CSMD1: variants seen among roughly 807,000 people sequenced by gnomAD.
The protein encoded by CSMD1 is CUB and Sushi multiple domains 1.
CSMD1 carries 213 observed loss-of-function variants against 417.5 expected under a neutral mutation model. The observed-to-expected ratio is 0.51, with a 90% CI of 0.46 to 0.57. CSMD1 has a LOEUF of 0.57. Ranked by LOEUF, CSMD1 falls within the 20% of genes least tolerant of loss-of-function variation. The pLI, the probability that CSMD1 is intolerant of heterozygous loss-of-function variation, is 0.00. For missense variants in CSMD1, 6,923 were observed against 4,529.7 expected, an observed-to-expected ratio of 1.53 and a Z score of -15.17; for synonymous variants, 2,862 against 1,736.8, an observed-to-expected ratio of 1.65 and a Z score of -16.11.
chr8:3,601,764 A>C (rs4279620), intron 8 of CSMD1, among the ~76,000 whole-genome samples: 33,315 of 152,172 alleles, frequency 0.22, 3,842 homozygotes, highest in Admixed American at 0.27. Flanking sequence ...TTTGGGGACC[A>C]TTCTCCCTGC....
At chr8:3,253,139 C>G (rs959328737) in intron 26 of CSMD1, among the ~76,000 whole-genome samples, 2 of 152,054 alleles carry the variant, frequency 1.3e-5, no homozygotes, top group East Asian at 1.9e-4. Flanking sequence ...AATTTTAGAT[C>G]TTTCCTGCTT....
At chr8:4,554,730 A>G (rs1405898624) in intron 2 of CSMD1, among the ~76,000 whole-genome samples, 2 of 152,212 alleles carry the variant, frequency 1.3e-5, no homozygotes, top group African/African-American at 4.8e-5. Flanking sequence ...TTACTATTGT[A>G]GTGATGTATT....
intron 30 of CSMD1, 86 bp downstream of exon 30, chr8:3,214,411 G>T: frequency 8.5e-7 from 1 of 1,173,834 alleles, no homozygotes; most frequent in Non-Finnish European, 1.2e-6. Context: ...AGGAATACGT[G>T]TTGAAATGTG....
intron 1 of CSMD1, among the ~76,000 whole-genome samples, chr8:4,968,531 A>G (rs1406264743): frequency 1.3e-5 from 2 of 152,122 alleles, no homozygotes. Flanking sequence ...CTGCACTACT[A>G]AAAACCAATT....
chr8:4,112,189 T>C (rs879885634), intron 3 of CSMD1, among the ~76,000 whole-genome samples: 12 of 152,128 alleles, frequency 7.9e-5, no homozygotes, highest in Non-Finnish European at 1.6e-4. Context: ...TGCTGAGCCA[T>C]AATTATCAAG....
intron 8 of CSMD1, among the ~76,000 whole-genome samples, chr8:3,603,937 T>A (rs777463101): frequency 6.6e-6 from 1 of 152,248 alleles, no homozygotes; most frequent in Non-Finnish European, 1.5e-5. Flanking sequence ...GCAGCTTTTT[T>A]ATTGGGAATA....
chr8:3,734,384 C>T (rs959462447), intron 6 of CSMD1, among the ~76,000 whole-genome samples: 1 of 152,164 alleles, frequency 6.6e-6, no homozygotes, highest in East Asian at 1.9e-4. Context: ...TTTGCTTCTG[C>T]CTGGAAGCAT....
At chr8:3,846,362 T>C (rs10086452) in intron 5 of CSMD1, among the ~76,000 whole-genome samples, 45,753 of 152,110 alleles carry the variant, frequency 0.3, 7,035 homozygotes, top group Non-Finnish European at 0.33. Context: ...CTGATTAAAA[T>C]GTCTTTATGT....
intron 6 of CSMD1, among the ~76,000 whole-genome samples, chr8:3,713,083 A>T (rs1350797088): frequency 4.6e-5 from 7 of 152,210 alleles, no homozygotes; most frequent in African/African-American, 1.7e-4. Context: ...AATATGACGA[A>T]TCTCTTTTCT....
Position 3,187,065 on chromosome 8 carries a change from C to T in CSMD1, c.5620+804G>A, listed in dbSNP as rs368244252. On this transcript the variant is annotated intron_variant, in intron 36 of 69. Transcript: ENST00000635120. ...TGGCCATACTCAAGATAAAATTAAGCATTCATGTTAACAGAAGTTCATAAC... is the reference window on the plus strand; with the variant it reads ...TGGCCATACTCAAGATAAAATTAAGTATTCATGTTAACAGAAGTTCATAAC... Among the ~76,000 whole-genome samples the T allele has an allele frequency of 4.0e-4, 61 of 152,286 alleles. 2 individuals carry two copies. The East Asian group carries it at 0.011, about 27-fold the overall frequency.
intron 3 of CSMD1, among the ~76,000 whole-genome samples, chr8:4,280,799 T>C (rs1210453129): frequency 6.6e-6 from 1 of 152,220 alleles, no homozygotes; most frequent in Non-Finnish European, 1.5e-5. Context: ...TGAACGTATG[T>C]TAAAATTTTC....
intron 24 of CSMD1, 111 bp downstream of exon 24, chr8:3,308,201 G>C (rs979732827): frequency 3.7e-6 from 3 of 801,738 alleles, no homozygotes; most frequent in Non-Finnish European, 3.9e-6. Context: ...ACTCACACTG[G>C]AAAGTGTGAT....
chr8:3,460,508 G>C (rs1008433733), intron 12 of CSMD1, among the ~76,000 whole-genome samples: 1 of 152,056 alleles, frequency 6.6e-6, no homozygotes, highest in Admixed American at 6.6e-5. Context: ...CTGTGTGTGA[G>C]CAAAATAGAA....
At position 4,580,562 on chromosome 8, in the gene CSMD1, T is replaced by C. The variant is rs1799365638; in HGVS notation, c.302+56780A>G. 1.3e-5 allele frequency among the ~76,000 whole-genome samples: 2 copies of C among 152,188 alleles called. 1 individual carries two copies. Among genetic ancestry groups the C allele is most frequent in the South Asian group, 4.1e-4 (2 of 4,830 alleles). On this transcript the variant is annotated intron_variant, in intron 2 of 69. Coordinates refer to ENST00000635120, the MANE Select transcript of CSMD1 (RefSeq NM_033225.6). ...TGAGTTGTTCCCCATGTCGGGCGTC[T>C]CATGAGGCTCCTCCTTTCTCCTCTT...
chr8:4,547,344 CA>C (rs1563275644), intron 2 of CSMD1, among the ~76,000 whole-genome samples: 1 of 152,184 alleles, frequency 6.6e-6, no homozygotes, highest in Non-Finnish European at 1.5e-5. Context: ...GTTGCCACAG[CA>C]GTGAACTTTC....
At chr8:4,704,138 C>T (rs1281910927) in intron 1 of CSMD1, among the ~76,000 whole-genome samples, 2 of 152,162 alleles carry the variant, frequency 1.3e-5, no homozygotes, top group African/African-American at 2.4e-5. Flanking sequence ...GGTGGGGACC[C>T]GTGATCTAGC....
At chr8:4,978,792 G>C (rs576391593) in intron 1 of CSMD1, among the ~76,000 whole-genome samples, 3 of 152,252 alleles carry the variant, frequency 2.0e-5, no homozygotes, top group African/African-American at 4.8e-5. Flanking sequence ...ACAAAAATTA[G>C]CTGGGCATGG....
At chr8:4,015,484 G>A (rs1014006718) in intron 4 of CSMD1, among the ~76,000 whole-genome samples, 3 of 151,862 alleles carry the variant, frequency 2.0e-5, no homozygotes, top group African/African-American at 7.3e-5. Flanking sequence ...AACAATTAAA[G>A]AAAACCACAG....
chr8:4,497,182 T>C (rs1802019406), intron 2 of CSMD1, among the ~76,000 whole-genome samples: 1 of 152,132 alleles, frequency 6.6e-6, no homozygotes, highest in Non-Finnish European at 1.5e-5. Flanking sequence ...CCAGAGCATG[T>C]GGTCTTTTAC....
Sources: allele counts gnomAD v4.1 joint callset (sites outside exome capture counted in the v4.1 genomes callset), GRCh38; gene constraint gnomAD v4.1.1; transcripts MANE v1.5; gene names NCBI Gene and HGNC (gene_info 2026-07-23, HGNC 2026-07-21).